Variants in MTOR observed in about 807,000 individuals in gnomAD.
MTOR encodes serine/threonine-protein kinase mTOR.
In MTOR, 70 loss-of-function variants were observed where a neutral mutation model predicts 319.8. The observed-to-expected ratio is 0.22, with a 90% CI of 0.18 to 0.27. MTOR has a LOEUF of 0.27. MTOR is among the 10% of genes least tolerant of loss of function. The pLI, the probability that MTOR is intolerant of heterozygous loss-of-function variation, is 1.00. For synonymous variants in MTOR, 1,183 were observed against 1,211.4 expected (o/e 0.98, Z 0.49); for missense variants, 1,890 against 3,274.4 (o/e 0.58, Z 10.32).
At chr1:11,110,249 A>G (rs1311821288) in intron 54 of MTOR, among the ~76,000 whole-genome samples, 6 of 152,242 alleles carry the variant, frequency 3.9e-5, no homozygotes, top group Admixed American at 6.5e-5. Context: ...AGGAATTTTC[A>G]TATCAGCTCT....
chr1:11,247,795 G>A (rs1326393890), intron 7 of MTOR, 24 bp downstream of exon 7: 1 of 1,612,124 alleles, frequency 6.2e-7, no homozygotes. Flanking sequence ...TAGGAAAAGA[G>A]GGAAAGGGCC....
At chr1:11,194,852 A>G in intron 28 of MTOR, 1 of 1,613,946 alleles carries the variant, frequency 6.2e-7, no homozygotes, top group South Asian at 1.1e-5. Flanking sequence ...TTCTCATGCC[A>G]GGTGGCTACT....
intron 6 of MTOR, 91 bp downstream of exon 6, chr1:11,253,748 T>C (rs1650005787): frequency 4.3e-6 from 6 of 1,411,162 alleles, no homozygotes; most frequent in Non-Finnish European, 4.9e-6. Context: ...TGCCACAAAA[T>C]GTCAGCTCCA....
At chr1:11,159,443 A>G (rs979350471) in intron 29 of MTOR, among the ~76,000 whole-genome samples, 3 of 152,124 alleles carry the variant, frequency 2.0e-5, no homozygotes, top group African/African-American at 7.2e-5. Context: ...GGAGTTTGAG[A>G]CTAGCCTGAT....
intron 29 of MTOR, among the ~76,000 whole-genome samples, chr1:11,160,227 A>T (rs1425106648): frequency 6.6e-6 from 1 of 151,922 alleles, no homozygotes; most frequent in Non-Finnish European, 1.5e-5. Flanking sequence ...CAGCCTCCCG[A>T]GTAGCTGTGA....
chr1:11,175,684 C>T (rs1431396009), intron 28 of MTOR, among the ~76,000 whole-genome samples: 1 of 151,836 alleles, frequency 6.6e-6, no homozygotes, highest in Non-Finnish European at 1.5e-5. Flanking sequence ...TAGAGCAGCT[C>T]ACGTGGGCAG....
chr1:11,238,594 G>A lies in MTOR; in HGVS notation c.1810C>T (p.Arg604Cys), dbSNP rs1235010967. 3 of 1,612,358 alleles carry A rather than the reference G, an allele frequency of 1.9e-6. No homozygotes were observed. The highest frequency in any genetic ancestry group is 1.3e-5 in the African/African-American group (1 of 74,884). Residue 604 changes from arginine to cysteine, a missense_variant, in exon 12 of 58, where the codon CGC (arginine) becomes TGC (cysteine). Arg to Cys is a radical substitution (Grantham distance 180, BLOSUM62 -3). Transcript: ENST00000361445. ...FEGHSLTQFV[R>C]HCADHFLNSE... ...TTCAGGAAATGATCCGCACAGTGGC[G>A]AACAAATTGGGTCAGAGAGTGGCCT...
At chr1:11,238,216 T>G (rs1647472785) in intron 12 of MTOR, among the ~76,000 whole-genome samples, 168 bp from the exon 13 acceptor site, 1 of 152,216 alleles carries the variant, frequency 6.6e-6, no homozygotes, top group Non-Finnish European at 1.5e-5. Context: ...GACAAAAGAA[T>G]TAAAGGTAGA....
rs1226749103 is a variant in MTOR at position 11,163,882 on chromosome 1, G to A, written c.4329+3560C>T. Among the ~76,000 whole-genome samples, 3 of 152,040 alleles carry A rather than the reference G, an allele frequency of 2.0e-5. 1 individual carries two copies. Among genetic ancestry groups the A allele is most frequent in the Admixed American group, 2.0e-4 (3 of 15,274 alleles). On this transcript the variant is annotated intron_variant, in intron 29 of 57. Transcript: ENST00000361445. ...CATCACAATTAAAAGAACTAGAGAA[G>A]CAAGAGCAAACACATTCAAAAGCTA...
chr1:11,259,237 C>A lies in MTOR; in HGVS notation c.162+11G>T, dbSNP rs530962064. ...CATCCCACAATGACTGGCCCCAGATCCCAGAAGCACCTCTCGGAGTTCCAT... is the reference window on the plus strand; with the variant it reads ...CATCCCACAATGACTGGCCCCAGATACCAGAAGCACCTCTCGGAGTTCCAT... On this transcript the variant is annotated intron_variant, in intron 2 of 57. Coordinates refer to ENST00000361445, the MANE Select transcript of MTOR (RefSeq NM_004958.4). The A allele has an allele frequency of 1.2e-6, 2 of 1,612,678 alleles. No individual in the cohort carries two copies. The highest frequency in any genetic ancestry group is 1.7e-6 in the Non-Finnish European group (2 of 1,179,490).
chr1:11,216,752 G>A (rs565427307), intron 19 of MTOR, among the ~76,000 whole-genome samples: 1 of 152,000 alleles, frequency 6.6e-6, no homozygotes, highest in South Asian at 2.1e-4. Flanking sequence ...GCCAGTTACT[G>A]CACAGCAGGG....
At chr1:11,207,057 G>A (rs1052229486) in intron 25 of MTOR, among the ~76,000 whole-genome samples, 3 of 152,128 alleles carry the variant, frequency 2.0e-5, no homozygotes, top group South Asian at 2.1e-4. Flanking sequence ...TGATTATAAG[G>A]AGGCACAATT....
chr1:11,203,273 G>A (rs1333711566), intron 26 of MTOR, among the ~76,000 whole-genome samples: 1 of 152,046 alleles, frequency 6.6e-6, no homozygotes, highest in East Asian at 1.9e-4. Context: ...AAAAAAAGAT[G>A]TCTAAAGTGA....
intron 28 of MTOR, chr1:11,194,934 G>C: frequency 6.2e-7 from 1 of 1,614,132 alleles, no homozygotes; most frequent in East Asian, 2.2e-5. Context: ...TAAGCACCTG[G>C]ATGGCATCAC....
intron 26 of MTOR, among the ~76,000 whole-genome samples, chr1:11,202,962 C>T (rs1029396465): frequency 3.9e-5 from 6 of 152,068 alleles, no homozygotes; most frequent in African/African-American, 1.4e-4. Flanking sequence ...CCTGTAATCC[C>T]AGCACTCTGG....
In MTOR at chr1:11,130,782, T is replaced by G. The variant is rs17235626; in HGVS notation, c.5365-5A>C. On this transcript the variant is annotated splice_region_variant and splice_polypyrimidine_tract_variant and intron_variant, in intron 38 of 57. Coordinates refer to ENST00000361445, the MANE Select transcript of MTOR (RefSeq NM_004958.4). The stretch of plus-strand genomic sequence containing the variant: ...CACTGCCCACGCATGCCAGGCCTGG[T>G]TGGGGAGAAAGGCAAGGACAGACAC... 3.2e-6 allele frequency: 5 copies of G among 1,560,148 alleles called. No individual in the cohort carries two copies. Among genetic ancestry groups the G allele is most frequent in the East Asian group, 4.7e-5 (2 of 42,440 alleles).
At position 11,129,464 on chromosome 1, in the gene MTOR, T is replaced by A. The variant is rs1009572981; in HGVS notation, c.5714+274A>T. ...CAGGGTGGTCAGAAAAAAAGAAATA[T>A]TGTGATTAACAGATGGGTTAATAAT... On this transcript the variant is annotated intron_variant, in intron 40 of 57. Transcript: ENST00000361445. This position sits in a 1 kb window ranked among gnomAD's most constrained non-coding sequence, Gnocchi z 4.7. Among the ~76,000 whole-genome samples, 1 of 152,198 alleles carries A rather than the reference T, an allele frequency of 6.6e-6. No individual in the cohort carries two copies. Among genetic ancestry groups the A allele is most frequent in the African/African-American group, 2.4e-5 (1 of 41,460 alleles).
Position 11,127,246 on chromosome 1 carries a change from T to G in MTOR, c.6217-102A>C. 6.6e-7 allele frequency: 1 copy of G among 1,514,628 alleles called. No individual in the cohort carries two copies. 93.8% of individuals were successfully genotyped at this position (1,514,628 alleles called of 1,614,324 possible). ...GCAGATATTCCTCAGGAGCCCGCTG[T>G]GGCCTGAAAACACTGGCAGGGGGCT... On this transcript the variant is annotated intron_variant, in intron 44 of 57. Transcript: ENST00000361445. This position sits in a 1 kb window ranked among gnomAD's most constrained non-coding sequence, Gnocchi z 5.5.
intron 13 of MTOR, among the ~76,000 whole-genome samples, chr1:11,236,539 C>T (rs1647251048): frequency 6.9e-6 from 1 of 145,364 alleles, no homozygotes; most frequent in Non-Finnish European, 1.5e-5. Flanking sequence ...GACAGAGTCT[C>T]GCTCTGTCGC....
Sources: allele counts gnomAD v4.1 joint callset (sites outside exome capture counted in the v4.1 genomes callset), GRCh38; gene constraint gnomAD v4.1.1; non-coding constraint Gnocchi (gnomAD v3.1); transcripts MANE v1.5; gene names NCBI Gene and HGNC (gene_info 2026-07-23, HGNC 2026-07-21).